Variants in PBX4 observed in about 807,000 individuals in gnomAD.
PBX4 encodes pre-B-cell leukemia transcription factor 4.
A neutral mutation model predicts 35.1 loss-of-function variants in PBX4; 26 were observed. The observed-to-expected ratio is 0.74, with a 90% CI of 0.54 to 1.03. The LOEUF (loss-of-function observed/expected upper bound fraction) is 1.03, where lower values mean the gene tolerates loss of function less well. PBX4 is among the 50% of genes least tolerant of loss of function. The probability of loss-of-function intolerance (pLI) is 0.00; values close to 1 mark genes in which losing one functional copy is unlikely to be tolerated. For missense variants in PBX4, 448 were observed against 504.3 expected (o/e 0.89, Z 1.07); for synonymous variants, 199 against 204.2 (o/e 0.97, Z 0.22).
At chr19:19,584,017 C>T (rs1041389635) in intron 2 of PBX4, among the ~76,000 whole-genome samples, 8 of 152,042 alleles carry the variant, frequency 5.3e-5, no homozygotes, top group Admixed American at 4.6e-4. Context: ...TGTGGTGAGC[C>T]GAGATCATGC....
intron 1 of PBX4, among the ~76,000 whole-genome samples, chr19:19,609,259 A>T (rs894429559): frequency 4.6e-5 from 7 of 152,164 alleles, no homozygotes; most frequent in African/African-American, 1.4e-4. Flanking sequence ...ATCTAGAAAC[A>T]CAGTGAAGAG....
chr19:19,617,352 C>T (rs938650232), intron 1 of PBX4, among the ~76,000 whole-genome samples: 3 of 152,116 alleles, frequency 2.0e-5, no homozygotes, highest in African/African-American at 7.2e-5. Flanking sequence ...AGCTCTGTCA[C>T]CCAGGCTGGA....
At chr19:19,576,915 G>A (rs911839591) in intron 2 of PBX4, among the ~76,000 whole-genome samples, 24 of 151,964 alleles carry the variant, frequency 1.6e-4, no homozygotes, top group Non-Finnish European at 2.1e-4. Context: ...CACCTGGCCC[G>A]AGGATTTTAA....
intron 5 of PBX4, among the ~76,000 whole-genome samples, chr19:19,567,236 C>A (rs1403654978): frequency 6.6e-6 from 1 of 152,212 alleles, no homozygotes; most frequent in Non-Finnish European, 1.5e-5. Context: ...TCTCCAGGGG[C>A]CTTGAAGACC....
At chr19:19,595,763 G>A (rs2061557218) in intron 2 of PBX4, among the ~76,000 whole-genome samples, 1 of 148,262 alleles carries the variant, frequency 6.7e-6, no homozygotes, top group South Asian at 2.2e-4. Flanking sequence ...TGGGGACAAG[G>A]AGGGGTCTGC....
intron 1 of PBX4, 45 bp from the exon 2 acceptor site, chr19:19,599,410 T>A: frequency 6.6e-7 from 1 of 1,512,234 alleles, no homozygotes; most frequent in Non-Finnish European, 9.2e-7. Flanking sequence ...AGAATAGTCA[T>A]CATCTTGTCC....
chr19:19,590,926 T>A (rs974774450), intron 2 of PBX4, among the ~76,000 whole-genome samples: 1 of 152,222 alleles, frequency 6.6e-6, no homozygotes, highest in Non-Finnish European at 1.5e-5. Flanking sequence ...CAGCCCTGTG[T>A]GGCTGCTGAG....
Position 19,610,517 on chromosome 19 carries a change from G to T in PBX4, c.119+7994C>A, listed in dbSNP as rs73537224. Among the ~76,000 whole-genome samples the T allele has an allele frequency of 7.0e-3, 1,062 of 152,194 alleles. 11 individuals carry two copies. The highest frequency in any genetic ancestry group is 0.023 in the African/African-American group (974 of 41,510). On this transcript the variant is annotated intron_variant, in intron 1 of 7. Coordinates refer to ENST00000251203, the MANE Select transcript of PBX4 (RefSeq NM_025245.3). ...GTAATCTCAGCACTTTGGGGAATCC[G>T]AGGCGGGATAATCATTTGAGGTCAG...
intron 2 of PBX4, among the ~76,000 whole-genome samples, chr19:19,575,766 C>A (rs1355702520): frequency 1.3e-5 from 2 of 152,192 alleles, no homozygotes; most frequent in Non-Finnish European, 2.9e-5. Flanking sequence ...CCTCGCGGAG[C>A]CTTGCACAGC....
intron 2 of PBX4, among the ~76,000 whole-genome samples, chr19:19,597,269 C>T (rs1226216513): frequency 6.6e-6 from 1 of 152,098 alleles, no homozygotes; most frequent in Non-Finnish European, 1.5e-5. Flanking sequence ...ACATCATGTC[C>T]TCATAGCATT....
At chr19:19,596,046 TG>T (rs2144763967) in intron 2 of PBX4, among the ~76,000 whole-genome samples, 1 of 152,080 alleles carries the variant, frequency 6.6e-6, no homozygotes, top group African/African-American at 2.4e-5. Flanking sequence ...TGCAATGAGC[TG>T]TGACTTCACC....
intron 2 of PBX4, 80 bp from the exon 3 acceptor site, chr19:19,570,913 TTA>T: frequency 6.4e-7 from 1 of 1,552,426 alleles, no homozygotes; most frequent in Non-Finnish European, 8.7e-7. Context: ...AGCACTGGTG[TTA>T]TGTCTGAAGA....
chr19:19,595,996 G>A (rs1182692819), intron 2 of PBX4, among the ~76,000 whole-genome samples: 1 of 152,172 alleles, frequency 6.6e-6, no homozygotes, highest in East Asian at 1.9e-4. Context: ...ACTTTGGGAG[G>A]CCAAGGTGGG....
At chr19:19,567,491 G>A (rs532842768) in intron 5 of PBX4, among the ~76,000 whole-genome samples, 3 of 152,298 alleles carry the variant, frequency 2.0e-5, no homozygotes, top group Non-Finnish European at 4.4e-5. Flanking sequence ...GTGGTGACAT[G>A]CAGCAAGCCA....
At position 19,561,866 on chromosome 19, in the gene PBX4, C is replaced by G; in HGVS notation, c.*159G>C. 2 of 560,544 alleles carry G rather than the reference C, an allele frequency of 3.6e-6. No homozygotes were observed. Among genetic ancestry groups the G allele is most frequent in the Non-Finnish European group, 6.2e-6 (2 of 321,498 alleles). The allele number at this position is 560,544 out of a possible 1,614,324, so 34.7% of individuals were successfully genotyped here. A position where few individuals can be genotyped will look rare whatever the true frequency, so the allele number is the denominator to read the frequency against. On this transcript the variant is annotated 3_prime_UTR_variant, in exon 8 of 8. Transcript: ENST00000251203. Reference sequence around the variant, plus strand: ...AGGCCATCTCGAGTCGCAGCAGACACATGAGCCGGCGCCACGGGCCTGGCT... The same window carrying G: ...AGGCCATCTCGAGTCGCAGCAGACAGATGAGCCGGCGCCACGGGCCTGGCT...
At chr19:19,573,163 G>C (rs148211708) in intron 2 of PBX4, among the ~76,000 whole-genome samples, 1 of 151,618 alleles carries the variant, frequency 6.6e-6, no homozygotes, top group African/African-American at 2.4e-5. Flanking sequence ...AAATTAGCCG[G>C]GCATGATGGC....
chr19:19,614,064 C>T (rs564882176), intron 1 of PBX4, among the ~76,000 whole-genome samples: 10 of 152,312 alleles, frequency 6.6e-5, no homozygotes, highest in South Asian at 2.1e-4. Context: ...CACTGGTTCA[C>T]GTCTGTCATC....
Position 19,570,187 on chromosome 19 carries a change from A to G in PBX4, c.554T>C (p.Phe185Ser). Residue 185 changes from phenylalanine to serine, a missense_variant, in exon 4 of 8, where the codon TTC becomes TCC. Phe to Ser is a radical substitution (Grantham distance 155). Transcript: ENST00000251203. ...CTTCAACTGCATCTGGATGGCGCTG[A>G]ACTTGCCGTGAATGGCGCCGACCAT... ...ERMVGAIHGKFSAIQMQLKQS... is the reference protein window; with the variant it reads ...ERMVGAIHGKSSAIQMQLKQS... 1.2e-6 allele frequency: 2 copies of G among 1,614,072 alleles called. No individual in the cohort carries two copies. The highest frequency in any genetic ancestry group is 8.5e-7 in the Non-Finnish European group (1 of 1,180,016).
chr19:19,592,394 C>T (rs572776961), intron 2 of PBX4, among the ~76,000 whole-genome samples: 8 of 152,300 alleles, frequency 5.3e-5, no homozygotes, highest in Admixed American at 2.0e-4. Context: ...GAAATGCATA[C>T]GCTGAGGGTG....
Sources: gnomAD v4.1 joint callset for allele counts (sites outside exome capture counted in the v4.1 genomes callset) on GRCh38, gnomAD v4.1.1 for gene constraint, MANE v1.5 for transcripts, NCBI Gene and HGNC (gene_info 2026-07-23, HGNC 2026-07-21) for gene names.